Variants in ZDHHC13 observed in about 807,000 individuals in gnomAD.
ZDHHC13 encodes the protein zDHHC palmitoyltransferase 13, also known as palmitoyltransferase ZDHHC13.
A neutral mutation model predicts 86.0 loss-of-function variants in ZDHHC13; 85 were observed. The ratio of observed to expected loss-of-function variants is 0.99; its 90% CI spans 0.83 to 1.18. The LOEUF (loss-of-function observed/expected upper bound fraction) is 1.18. ZDHHC13 is among the 50% of genes most tolerant of loss of function. The pLI is 0.00. For missense variants in ZDHHC13, 711 were observed against 730.2 expected (o/e 0.97, Z 0.30); for synonymous variants, 263 against 246.4 (o/e 1.07, Z -0.63).
At chr11:19,171,763 C>G (rs1554966202) in intron 15 of ZDHHC13, among the ~76,000 whole-genome samples, 1 of 152,012 alleles carries the variant, frequency 6.6e-6, no homozygotes, top group African/African-American at 2.4e-5. Context: ...AGAAAAAGGT[C>G]AATAAGGCAA....
At chr11:19,169,962 T>A (rs898121011) in intron 14 of ZDHHC13, 1 of 995,832 alleles carries the variant, frequency 1.0e-6, no homozygotes, top group Non-Finnish European at 1.2e-6. Context: ...TCTGATGATA[T>A]CTAGGTGCTT....
At chr11:19,175,153 C>CTGAG (rs1850324218) in intron 16 of ZDHHC13, among the ~76,000 whole-genome samples, 1 of 151,862 alleles carries the variant, frequency 6.6e-6, no homozygotes, top group Non-Finnish European at 1.5e-5. Context: ...CTTTGGGAGG[C>CTGAG]TGAGGTGGGC....
rs1188418651 is a variant in ZDHHC13 at position 19,147,582 on chromosome 11, T to C, written c.297-14T>C. On this transcript the variant is annotated splice_polypyrimidine_tract_variant and intron_variant, in intron 3 of 16. Coordinates refer to ENST00000446113, the MANE Select transcript of ZDHHC13 (RefSeq NM_019028.3). ...GTTTCAAATCTTACTTTCATTTGTG[T>C]CTGCTTTTAACAGGTTTTATATTTC... 30 of 1,577,068 alleles carry C rather than the reference T, an allele frequency of 1.9e-5. No individual in the cohort carries two copies. In the Admixed American group the frequency reaches 5.5e-4, roughly 29 times the overall value.
chr11:19,147,389 C>G (rs575660516), intron 3 of ZDHHC13, among the ~76,000 whole-genome samples: 9 of 152,242 alleles, frequency 5.9e-5, no homozygotes, highest in African/African-American at 2.2e-4. Context: ...GGACTAATTA[C>G]TTACATCCTA....
chr11:19,139,568 A>C (rs1414786021), intron 1 of ZDHHC13, among the ~76,000 whole-genome samples: 2 of 147,844 alleles, frequency 1.4e-5, no homozygotes, highest in African/African-American at 2.5e-5. Context: ...AAACTACTTT[A>C]AAGTTCATAT....
At chr11:19,137,022 A>C (rs1006408191) in intron 1 of ZDHHC13, among the ~76,000 whole-genome samples, 18 of 152,146 alleles carry the variant, frequency 1.2e-4, no homozygotes, top group African/African-American at 3.4e-4. Context: ...CGAGCAAAAT[A>C]ACCAGCTAAC....
chr11:19,142,741 TC>T (rs1258174030), intron 1 of ZDHHC13, among the ~76,000 whole-genome samples: 65 of 152,142 alleles, frequency 4.3e-4, no homozygotes, highest in African/African-American at 1.5e-3. Flanking sequence ...ACTTTTTTTT[TC>T]TTTTTTTTTT....
chr11:19,141,441 G>C (rs1849317282), intron 1 of ZDHHC13, among the ~76,000 whole-genome samples: 1 of 152,132 alleles, frequency 6.6e-6, no homozygotes, highest in South Asian at 2.1e-4. Flanking sequence ...GGGTATTAAA[G>C]TGATTTAGTG....
At chr11:19,165,282 GTTA>G in intron 13 of ZDHHC13, 137 bp downstream of exon 13, 2 of 719,572 alleles carry the variant, frequency 2.8e-6, no homozygotes, top group Admixed American at 5.2e-5. Flanking sequence ...CCCATGCATC[GTTA>G]TTATGCTACA....
chr11:19,158,966 T>C lies in ZDHHC13; in HGVS notation c.1034T>C (p.Val345Ala). The change falls in exon 10 of 17, where the codon GTA becomes GCA. Residue 345 changes from valine (V) to alanine (A), a missense_variant. By Grantham distance (64) the Val-to-Ala change is moderately conservative (BLOSUM62 0). Transcript: ENST00000446113. ...TTCTTGGTTGGGTATAAGAACCTTG[T>C]ATACTTACCAACAGCCTTTCTGCTA... ...PRFLVGYKNL[V>A]YLPTAFLLSS... is the part of the protein sequence containing the mutation. 2 of 1,548,856 alleles carry C rather than the reference T, an allele frequency of 1.3e-6. No homozygotes were observed. The highest frequency in any genetic ancestry group is 1.7e-6 in the Non-Finnish European group (2 of 1,145,994).
intron 8 of ZDHHC13, among the ~76,000 whole-genome samples, chr11:19,155,205 AT>A (rs1304243825): frequency 7.2e-5 from 11 of 152,326 alleles, no homozygotes; most frequent in African/African-American, 2.6e-4. Flanking sequence ...GCAAGAAGTA[AT>A]TTTGAAAAAT....
rs570427351 is a variant in ZDHHC13 at position 19,146,311 on chromosome 11, G to A, written c.296+8G>A. The A allele has an allele frequency of 1.8e-5, 29 of 1,602,674 alleles. No homozygotes were observed. In the South Asian group the frequency reaches 2.7e-4, roughly 15 times the overall value. On this transcript the variant is annotated splice_region_variant and intron_variant, in intron 3 of 16. Coordinates refer to ENST00000446113, the MANE Select transcript of ZDHHC13 (RefSeq NM_019028.3). ...CAGACTGGATCTTGTAAAGTAAGATGGGATATGTGTGTTAATTGTGTATTT... is the reference window on the plus strand; with the variant it reads ...CAGACTGGATCTTGTAAAGTAAGATAGGATATGTGTGTTAATTGTGTATTT...
At chr11:19,120,005 T>G (rs1848728754) in intron 1 of ZDHHC13, among the ~76,000 whole-genome samples, 1 of 152,258 alleles carries the variant, frequency 6.6e-6, no homozygotes, top group Admixed American at 6.5e-5. Flanking sequence ...TGTGGTTTTC[T>G]AAATCTTGAT....
chr11:19,155,993 G>C, intron 9 of ZDHHC13, 64 bp downstream of exon 9: 1 of 1,514,742 alleles, frequency 6.6e-7, no homozygotes, highest in Non-Finnish European at 8.8e-7. Context: ...TATTTCTGTT[G>C]TTGGTTAGCT....
chr11:19,172,810 A>C lies in ZDHHC13; in HGVS notation c.1720A>C (p.Thr574Pro). 2 of 1,601,210 alleles carry C rather than the reference A, an allele frequency of 1.2e-6. No individual in the cohort carries two copies. The highest frequency in any genetic ancestry group is 1.7e-6 in the Non-Finnish European group (2 of 1,173,970). ...HMKQTLSLRK[T>P]PYNLGFMQNL... ...GAAACAGACGTTGTCCCTCAGGAAG[A>C]CACCATACAAGTAAGCGAGACCTGT... The change falls in exon 16 of 17, where the codon ACA becomes CCA. Residue 574 changes from threonine (T) to proline (P), a missense_variant. Coordinates refer to ENST00000446113, the MANE Select transcript of ZDHHC13 (RefSeq NM_019028.3).
At position 19,143,072 on chromosome 11, in the gene ZDHHC13, C is replaced by T. The variant is rs1849367165; in HGVS notation, c.122C>T (p.Ala41Val). ...ENKELANARE[A>V]LPLIEDSSNC... ...AAAGAACTTGCCAATGCAAGAGAAG[C>T]TCTTCCTCTTATAGAGGACTCTAGT... The change falls in exon 2 of 17, where the codon GCT becomes GTT. Residue 41 changes from alanine (A) to valine (V), a missense_variant. By Grantham distance (64) the Ala-to-Val change is moderately conservative. Coordinates refer to ENST00000446113, the MANE Select transcript of ZDHHC13 (RefSeq NM_019028.3). 6.2e-7 allele frequency: 1 copy of T among 1,613,248 alleles called. No individual in the cohort carries two copies. Among genetic ancestry groups the T allele is most frequent in the Non-Finnish European group, 8.5e-7 (1 of 1,179,570 alleles).
intron 1 of ZDHHC13, among the ~76,000 whole-genome samples, chr11:19,135,196 C>T (rs889310782): frequency 3.9e-5 from 6 of 152,212 alleles, no homozygotes; most frequent in African/African-American, 1.4e-4. Context: ...AGACAGTGGG[C>T]ACAGGTCAGT....
At chr11:19,169,431 T>C (rs1565043434) in intron 14 of ZDHHC13, 10 of 985,280 alleles carry the variant, frequency 1.0e-5, no homozygotes, top group Non-Finnish European at 1.1e-5. Flanking sequence ...AAAAGAAAAG[T>C]AGATTTTTAG....
At position 19,159,000 on chromosome 11, in the gene ZDHHC13, T is replaced by G; in HGVS notation, c.1068T>G (p.Val356=). 1 of 1,549,472 alleles carries G rather than the reference T, an allele frequency of 6.5e-7. No individual in the cohort carries two copies. Among genetic ancestry groups the G allele is most frequent in the Non-Finnish European group, 8.7e-7 (1 of 1,146,118 alleles). The stretch of plus-strand genomic sequence containing the variant: ...CAACAGCCTTTCTGCTAAGTTCTGT[T>G]TTTTGGATATTTATGACTTGGTTCA... ...YLPTAFLLSS[V]FWIFMTWFIL... The change falls in exon 10 of 17, where the codon GTT becomes GTG. Residue 356 remains valine, a synonymous_variant. Coordinates refer to ENST00000446113, the MANE Select transcript of ZDHHC13 (RefSeq NM_019028.3).
Sources: allele counts gnomAD v4.1 joint callset (sites outside exome capture counted in the v4.1 genomes callset), GRCh38; gene constraint gnomAD v4.1.1; transcripts MANE v1.5; gene names NCBI Gene and HGNC (gene_info 2026-07-23, HGNC 2026-07-21).